Variants in MAP4 observed in about 807,000 individuals in gnomAD.
The protein encoded by MAP4 is microtubule associated protein 4, also known as microtubule-associated protein 4.
A neutral mutation model predicts 170.2 loss-of-function variants in MAP4; 76 were observed. That is an observed-to-expected ratio of 0.45 (90% CI 0.37 to 0.54). The LOEUF is 0.54. MAP4 is among the 20% of genes least tolerant of loss of function. MAP4 has a pLI of 0.00. For missense variants in MAP4, 2,506 were observed against 2,748.0 expected, an observed-to-expected ratio of 0.91 and a Z score of 1.97; for synonymous variants, 909 against 994.5, an observed-to-expected ratio of 0.91 and a Z score of 1.62.
At chr3:47,941,807 G>A (rs1396091682) in intron 3 of MAP4, among the ~76,000 whole-genome samples, 9 of 148,340 alleles carry the variant, frequency 6.1e-5, no homozygotes, top group Non-Finnish European at 1.0e-4. Context: ...AAAAAAAGGC[G>A]AAAACGCTAC....
rs1366948570 is a variant in MAP4, at chr3:47,916,021, A to T, written c.1806T>A (p.Ser602Arg). 7.4e-6 allele frequency: 12 copies of T among 1,614,126 alleles called. No individual in the cohort carries two copies. Among genetic ancestry groups the T allele is most frequent in the African/African-American group, 1.3e-5 (1 of 74,944 alleles). ...MEIAQTQKGI[S>R]EDSHLESLQD... is the part of the protein sequence containing the mutation. ...GCAGAGATTCTAAATGGGAATCCTC[A>T]CTTATTCCTTTTTGTGTTTGTGCAA... Residue 602 changes from serine (S) to arginine (R), a missense_variant, in exon 7 of 21, where the codon AGT (serine) becomes AGA (arginine). Ser to Arg is a moderately radical substitution (Grantham distance 110). This residue lies in a region of MAP4 where 2,008 missense variants were observed against 2,206.0 expected (regional missense o/e 0.91). Coordinates refer to ENST00000683076, the MANE Select transcript of MAP4 (RefSeq NM_001385682.1).
intron 19 of MAP4, among the ~76,000 whole-genome samples, chr3:47,853,915 C>G (rs1466770914): frequency 2.0e-5 from 3 of 152,152 alleles, no homozygotes; most frequent in Non-Finnish European, 2.9e-5. Context: ...AGGTATAACC[C>G]AGGGACACTG....
At chr3:48,008,947 G>A (rs994345162) in intron 1 of MAP4, among the ~76,000 whole-genome samples, 7 of 152,114 alleles carry the variant, frequency 4.6e-5, no homozygotes, top group East Asian at 1.9e-4. Flanking sequence ...ACCTGGTGGC[G>A]GATTGATTAT....
intron 1 of MAP4, among the ~76,000 whole-genome samples, chr3:48,015,519 G>A (rs1260530976): frequency 1.3e-5 from 2 of 152,108 alleles, no homozygotes; most frequent in Non-Finnish European, 2.9e-5. Context: ...AATCTTGATG[G>A]ATACAGGTAT....
At chr3:47,997,558 G>A (rs1449802947) in intron 2 of MAP4, among the ~76,000 whole-genome samples, 1 of 150,280 alleles carries the variant, frequency 6.7e-6, no homozygotes, top group African/African-American at 2.4e-5. Flanking sequence ...TAAGAAACCA[G>A]AAAAAGAATA....
At chr3:48,006,205 C>T (rs2100102215) in intron 1 of MAP4, among the ~76,000 whole-genome samples, 1 of 150,358 alleles carries the variant, frequency 6.7e-6, no homozygotes, top group Non-Finnish European at 1.5e-5. Flanking sequence ...ACCCAGAACC[C>T]CTTGAATGAA....
At chr3:48,027,202 T>A (rs2100113554) in intron 1 of MAP4, among the ~76,000 whole-genome samples, 1 of 152,218 alleles carries the variant, frequency 6.6e-6, no homozygotes, top group Admixed American at 6.5e-5. Context: ...TAAATACATG[T>A]ATGAACATGT....
At chr3:47,861,815 C>T (rs111372082) in intron 17 of MAP4, among the ~76,000 whole-genome samples, 31,366 of 151,546 alleles carry the variant, frequency 0.21, 3,521 homozygotes, top group Middle Eastern at 0.28. Context: ...GCCAAAATCA[C>T]GCCACTGCAC....
chr3:48,047,213 T>C (rs2100125098), intron 1 of MAP4, among the ~76,000 whole-genome samples: 1 of 152,180 alleles, frequency 6.6e-6, no homozygotes, highest in Non-Finnish European at 1.5e-5. Context: ...TAATTTATCA[T>C]ATTATCATCA....
Position 47,916,439 on chromosome 3 carries a change from T to C in MAP4, c.1388A>G (p.Asp463Gly). ...CTCTGCTTCTAAAGGTAGTGCTTTA[T>C]CCTTGGTCAAGATCACGTTGGTTTC... ...PPETNVILTK[D>G]KALPLEAEVA... The change falls in exon 7 of 21, where the codon GAT becomes GGT. Residue 463 changes from aspartate (D) to glycine (G), a missense_variant. Physicochemically the swap from Asp to Gly is moderately conservative, Grantham distance 94. This residue lies in a region of MAP4 where 2,008 missense variants were observed against 2,206.0 expected (regional missense o/e 0.91). Coordinates refer to ENST00000683076, the MANE Select transcript of MAP4 (RefSeq NM_001385682.1). 3 of 1,614,212 alleles carry C rather than the reference T, an allele frequency of 1.9e-6. No homozygotes were observed. The South Asian group carries it at 3.3e-5, about 18-fold the overall frequency.
In MAP4 at chr3:47,854,558, C is replaced by G. The variant is rs544536695; in HGVS notation, c.6696+690G>C. The stretch of plus-strand genomic sequence containing the variant: ...TGCAAGATGCCCCTCATGGGCCCCC[C>G]ACCCACGGATGACATGGAACATAGG... On this transcript the variant is annotated intron_variant, in intron 19 of 20. Coordinates refer to ENST00000683076, the MANE Select transcript of MAP4 (RefSeq NM_001385682.1). Among the ~76,000 whole-genome samples, 3 of 152,356 alleles carry G rather than the reference C, an allele frequency of 2.0e-5. No individual in the cohort carries two copies. In the East Asian group the frequency reaches 5.8e-4, roughly 29 times the overall value.
At chr3:48,024,451 G>A (rs142012421) in intron 1 of MAP4, among the ~76,000 whole-genome samples, 18 of 152,332 alleles carry the variant, frequency 1.2e-4, no homozygotes, top group African/African-American at 4.3e-4. Context: ...GAGACCATGT[G>A]AGTGGGTTCT....
chr3:47,899,062 C>T (rs2100028606), intron 10 of MAP4, among the ~76,000 whole-genome samples: 1 of 152,120 alleles, frequency 6.6e-6, no homozygotes, highest in Non-Finnish European at 1.5e-5. Flanking sequence ...CAGATTTATC[C>T]ACAGGAAATA....
chr3:47,881,911 AT>A (rs2096832785), intron 10 of MAP4, among the ~76,000 whole-genome samples: 1 of 152,058 alleles, frequency 6.6e-6, no homozygotes, highest in Non-Finnish European at 1.5e-5. Flanking sequence ...TACTTGAGTC[AT>A]TTTTTAAAAA....
intron 3 of MAP4, among the ~76,000 whole-genome samples, chr3:47,971,331 AAC>A (rs1271646789): frequency 6.6e-6 from 1 of 152,218 alleles, no homozygotes; most frequent in Non-Finnish European, 1.5e-5. Context: ...CAGAAACTCT[AAC>A]ACACCACAGA....
At chr3:47,994,257 G>A (rs961377145) in intron 2 of MAP4, among the ~76,000 whole-genome samples, 8 of 152,112 alleles carry the variant, frequency 5.3e-5, no homozygotes, top group African/African-American at 1.2e-4. Flanking sequence ...AATGGAAAAC[G>A]GGAAAATCTA....
Position 47,990,880 on chromosome 3 carries a change from T to C in MAP4, c.223+7758A>G, listed in dbSNP as rs557896691. Among the ~76,000 whole-genome samples, 35 of 152,278 alleles carry C rather than the reference T, an allele frequency of 2.3e-4. No homozygotes were observed. The South Asian group carries it at 6.2e-3, about 27-fold the overall frequency. Reference sequence around the variant, plus strand: ...TACAGCCGTGGTGCAAAACAAGTAGTACACATATCCTGAAAAAGTATTTGA... The same window carrying C: ...TACAGCCGTGGTGCAAAACAAGTAGCACACATATCCTGAAAAAGTATTTGA... On this transcript the variant is annotated intron_variant, in intron 2 of 20. Transcript: ENST00000683076.
intron 10 of MAP4, among the ~76,000 whole-genome samples, chr3:47,894,162 A>G (rs565065091): frequency 1.3e-5 from 2 of 152,316 alleles, no homozygotes; most frequent in South Asian, 4.1e-4. Context: ...GACAAAGCAC[A>G]ATACAGATTA....
At chr3:48,049,771 A>G (rs975763819) in intron 1 of MAP4, among the ~76,000 whole-genome samples, 1 of 151,784 alleles carries the variant, frequency 6.6e-6, no homozygotes, top group African/African-American at 2.4e-5. Flanking sequence ...TCTCTACTAA[A>G]AACACACACA....
Sources: gnomAD v4.1 joint callset for allele counts (sites outside exome capture counted in the v4.1 genomes callset) on GRCh38, gnomAD v4.1.1 for gene constraint, gnomAD v4.1.1 regional missense constraint, MANE v1.5 for transcripts, NCBI Gene and HGNC (gene_info 2026-07-23, HGNC 2026-07-21) for gene names.